The following RTF1 variants were observed in gnomAD, a reference collection of about 807,000 sequenced individuals.
RTF1 encodes RTF1 homolog, Paf1/RNA polymerase II complex component.
In RTF1, 10 loss-of-function variants were observed where a neutral mutation model predicts 95.7. The observed-to-expected ratio is 0.10, with a 90% CI of 0.06 to 0.18. The LOEUF is 0.18. Ranked by LOEUF, RTF1 falls within the 10% of genes least tolerant of loss-of-function variation. The pLI is 1.00. For missense variants in RTF1, 458 were observed against 875.6 expected, an observed-to-expected ratio of 0.52 and a Z score of 6.02; for synonymous variants, 305 against 311.8, an observed-to-expected ratio of 0.98 and a Z score of 0.23.
In RTF1 at chr15:41,481,320, T is replaced by C. The variant is rs2050973461; in HGVS notation, c.*633T>C. 2 of 152,984 alleles carry C rather than the reference T, an allele frequency of 1.3e-5. No individual in the cohort carries two copies. Among genetic ancestry groups the C allele is most frequent in the South Asian group, 4.1e-4 (2 of 4,830 alleles). 9.5% of individuals were successfully genotyped at this position (152,984 alleles called of 1,614,324 possible). A position where few individuals can be genotyped will look rare whatever the true frequency, so the allele number is the denominator to read the frequency against. Reference sequence around the variant, plus strand: ...AAGTGTGTGGATTTTTTTATCATTTTTTTAAAATGCAGTACTCTTTGTATC... The same window carrying C: ...AAGTGTGTGGATTTTTTTATCATTTCTTTAAAATGCAGTACTCTTTGTATC... On this transcript the variant is annotated 3_prime_UTR_variant, in exon 18 of 18. Transcript: ENST00000389629.
At chr15:41,427,772 A>G (rs546915013) in intron 1 of RTF1, among the ~76,000 whole-genome samples, 9 of 152,224 alleles carry the variant, frequency 5.9e-5, no homozygotes, top group African/African-American at 2.2e-4. Context: ...GCTACTTGGC[A>G]TACCTATGGT....
chr15:41,478,943 CTT>C (rs374560005), intron 15 of RTF1, 158 bp from the exon 16 acceptor site: 30,890 of 482,552 alleles, frequency 0.064, no homozygotes, highest in East Asian at 0.075. Flanking sequence ...TTGTAATTGC[CTT>C]TTTTTTTTTT....
Position 41,476,415 on chromosome 15 carries a change from C to T in RTF1, c.1483-31C>T, listed in dbSNP as rs761489329. Reference sequence around the variant, plus strand: ...TGTCTACAAAAATAGCTTAGGAATACCTCACTGCTGGTATCTCCTCTCTGG... The same window carrying T: ...TGTCTACAAAAATAGCTTAGGAATATCTCACTGCTGGTATCTCCTCTCTGG... On this transcript the variant is annotated intron_variant, in intron 11 of 17. Coordinates refer to ENST00000389629, the MANE Select transcript of RTF1 (RefSeq NM_015138.5). The T allele has an allele frequency of 2.6e-5, 42 of 1,588,890 alleles. No homozygotes were observed. In the African/African-American group the frequency reaches 5.2e-4, roughly 20 times the overall value.
At position 41,417,163 on chromosome 15, in the gene RTF1, A is replaced by G. The variant is rs2050574676; in HGVS notation, c.48A>G (p.Ala16=). 19 of 1,261,376 alleles carry G rather than the reference A, an allele frequency of 1.5e-5. No individual in the cohort carries two copies. The South Asian group carries it at 2.9e-4, about 19-fold the overall frequency. 78.1% of individuals were successfully genotyped at this position (1,261,376 alleles called of 1,614,324 possible). A position where few individuals can be genotyped will look rare whatever the true frequency, so the allele number is the denominator to read the frequency against. Residue 16 remains alanine (A), a synonymous_variant, in exon 1 of 18, where the codon GCA becomes GCG. Transcript: ENST00000389629. ...GTCGAGCAGCGGCGGCGGCGGCGGC[A>G]GTGGCGGTCCCACTGGCAGGCGGGC... The part of the protein sequence containing the change: ...CVGRAAAAAA[A]VAVPLAGGQE...
chr15:41,472,182 CTGGCCTATTTTTATTTTTATTTATT>C (rs2050915755), intron 8 of RTF1, among the ~76,000 whole-genome samples: 1 of 149,686 alleles, frequency 6.7e-6, no homozygotes, highest in South Asian at 2.1e-4. Context: ...GCCACCGCAC[CTGGCCTATTTTTATTTTTATTTATT>C]TGTTGTTTTT....
intron 16 of RTF1, 35 bp from the exon 17 acceptor site, chr15:41,480,179 T>C (rs1404202909): frequency 7.4e-7 from 1 of 1,344,000 alleles, no homozygotes; most frequent in Non-Finnish European, 1.1e-6. Context: ...CTTGCATTTA[T>C]GCTCTTACCA....
chr15:41,471,373 A>G (rs370631588), intron 8 of RTF1, 24 bp downstream of exon 8: 174 of 1,593,518 alleles, frequency 1.1e-4, no homozygotes, highest in Non-Finnish European at 1.4e-4. Context: ...CCCTTGGACA[A>G]TTGTCCATGC....
At position 41,478,574 on chromosome 15, in the gene RTF1, A is replaced by G; in HGVS notation, c.1767A>G (p.Gln589=). The G allele has an allele frequency of 6.2e-7, 1 of 1,614,018 alleles. No homozygotes were observed. Among genetic ancestry groups the G allele is most frequent in the Non-Finnish European group, 8.5e-7 (1 of 1,179,988 alleles). ...CTGAAAGTCACAACATGAAAAACCA[A>G]CAGATGGATCCCTTTACTCGGCGGC... ...LVAESHNMKN[Q]QMDPFTRRQC... is the part of the protein sequence containing the mutation. Residue 589 remains glutamine, a synonymous_variant, in exon 15 of 18, where the codon CAA becomes CAG. Transcript: ENST00000389629.
chr15:41,442,412 C>T (rs568332397), intron 2 of RTF1, among the ~76,000 whole-genome samples: 2 of 151,846 alleles, frequency 1.3e-5, no homozygotes, highest in Middle Eastern at 3.2e-3. Context: ...CATGATCCGC[C>T]GGCCTCATCC....
intron 2 of RTF1, among the ~76,000 whole-genome samples, chr15:41,439,035 T>C (rs1290624446): frequency 6.6e-6 from 1 of 150,908 alleles, no homozygotes; most frequent in Non-Finnish European, 1.5e-5. Context: ...TCTTTTATTT[T>C]CTTTTTTTTT....
chr15:41,428,749 T>C (rs1030473889), intron 1 of RTF1, among the ~76,000 whole-genome samples: 1 of 151,518 alleles, frequency 6.6e-6, no homozygotes, highest in Admixed American at 6.6e-5. Context: ...ATTTATTTAT[T>C]TATTTTGAGA....
Position 41,417,189 on chromosome 15 carries a change from A to G in RTF1, c.74A>G (p.Gln25Arg), listed in dbSNP as rs777836965. 6.3e-6 allele frequency: 8 copies of G among 1,264,262 alleles called. No homozygotes were observed. The highest frequency in any genetic ancestry group is 7.0e-6 in the Non-Finnish European group (7 of 1,000,566). 78.3% of individuals were successfully genotyped at this position (1,264,262 alleles called of 1,614,324 possible). A position where few individuals can be genotyped will look rare whatever the true frequency, so the allele number is the denominator to read the frequency against. ...GTGGCGGTCCCACTGGCAGGCGGGCAAGAGGGGAGTCCGGGCGGCGGCCGG... is the reference window on the plus strand; with the variant it reads ...GTGGCGGTCCCACTGGCAGGCGGGCGAGAGGGGAGTCCGGGCGGCGGCCGG... ...AAVAVPLAGG[Q>R]EGSPGGGRRG... The change falls in exon 1 of 18, where the codon CAA (glutamine) becomes CGA (arginine). Residue 25 changes from glutamine to arginine, a missense_variant. This residue lies in a region of RTF1 where 81 missense variants were observed against 59.9 expected (regional missense o/e 1.35). Coordinates refer to ENST00000389629, the MANE Select transcript of RTF1 (RefSeq NM_015138.5).
Position 41,417,140 on chromosome 15 carries a change from C to T in RTF1, c.25C>T (p.Arg9Ter). ...CATGCGCGGTCGCCTTTGTGTGGGT[C>T]GAGCAGCGGCGGCGGCGGCGGCAGT... is the stretch of plus-strand genomic sequence containing the variant. Reference protein sequence around the residue: MRGRLCVGRAAAAAAAVAV... With the variant: MRGRLCVG The change falls in exon 1 of 18, where the codon CGA (arginine) becomes TGA (stop). Residue 9 changes from arginine to a stop codon, truncating the protein, a stop_gained. Transcript: ENST00000389629. LOFTEE classifies it high-confidence loss of function. 2 of 1,256,034 alleles carry T rather than the reference C, an allele frequency of 1.6e-6. No homozygotes were observed. Among genetic ancestry groups the T allele is most frequent in the Non-Finnish European group, 2.0e-6 (2 of 996,398 alleles). 77.8% of individuals were successfully genotyped at this position (1,256,034 alleles called of 1,614,324 possible).
chr15:41,471,029 A>G (rs368081810), intron 7 of RTF1, 143 bp from the exon 8 acceptor site: 3 of 698,666 alleles, frequency 4.3e-6, no homozygotes, highest in Admixed American at 3.2e-5. Context: ...TCCTATTACA[A>G]GTCTTTGCTG....
intron 8 of RTF1, among the ~76,000 whole-genome samples, chr15:41,472,293 G>A (rs1406023698): frequency 6.6e-6 from 1 of 150,690 alleles, no homozygotes; most frequent in Non-Finnish European, 1.5e-5. Flanking sequence ...TGCAACCTCC[G>A]CCTCCTGGGT....
rs551313989 is a variant in RTF1, at chr15:41,443,805, C to T, written c.309+5374C>T. On this transcript the variant is annotated intron_variant, in intron 2 of 17. Transcript: ENST00000389629. The stretch of plus-strand genomic sequence containing the variant: ...AAATTGGGCCGGGTGCAGTGGCTCA[C>T]GCCTGTAATCTCAGCACTTTGGGAG... 1.5e-3 allele frequency among the ~76,000 whole-genome samples: 222 copies of T among 152,086 alleles called. 1 individual carries two copies. Among genetic ancestry groups the T allele is most frequent in the African/African-American group, 5.1e-3 (211 of 41,502 alleles).
chr15:41,420,624 G>A (rs941517916), intron 1 of RTF1, among the ~76,000 whole-genome samples: 5 of 152,040 alleles, frequency 3.3e-5, no homozygotes, highest in African/African-American at 1.2e-4. Context: ...TTCGTAAGGA[G>A]GCCTTTTGTC....
At chr15:41,424,447 AGAGT>A (rs144103325) in intron 1 of RTF1, among the ~76,000 whole-genome samples, 199 of 152,352 alleles carry the variant, frequency 1.3e-3, no homozygotes, top group African/African-American at 4.5e-3. Flanking sequence ...AAAGAAGCAC[AGAGT>A]GAGTAACATA....
At chr15:41,449,394 C>A (rs1595432429) in intron 2 of RTF1, among the ~76,000 whole-genome samples, 1 of 152,046 alleles carries the variant, frequency 6.6e-6, no homozygotes, top group Non-Finnish European at 1.5e-5. Context: ...CCATGCCCGG[C>A]TAATTTTTTT....
Sources: gnomAD v4.1 joint callset for allele counts (sites outside exome capture counted in the v4.1 genomes callset) on GRCh38, gnomAD v4.1.1 for gene constraint, gnomAD v4.1.1 regional missense constraint, MANE v1.5 for transcripts, NCBI Gene and HGNC (gene_info 2026-07-23, HGNC 2026-07-21) for gene names.